RARRES1: variants seen among roughly 807,000 people sequenced by gnomAD.
RARRES1 encodes retinoic acid receptor responder protein 1.
RARRES1 carries 34 observed loss-of-function variants against 30.6 expected under a neutral mutation model. The ratio of observed to expected loss-of-function variants is 1.11; its 90% CI spans 0.84 to 1.48. The LOEUF (loss-of-function observed/expected upper bound fraction) is 1.48, where lower values mean the gene tolerates loss of function less well. Among genes scored for constraint, RARRES1 ranks in the 40% most tolerant of loss-of-function variants. The pLI, the probability that RARRES1 is intolerant of heterozygous loss-of-function variation, is 0.00. For synonymous variants in RARRES1, 153 were observed against 155.5 expected (o/e 0.98, Z 0.12); for missense variants, 373 against 386.5 (o/e 0.97, Z 0.29).
At chr3:158,708,770 G>A (rs1359458811) in intron 3 of RARRES1, among the ~76,000 whole-genome samples, 1 of 151,980 alleles carries the variant, frequency 6.6e-6, no homozygotes, top group Non-Finnish European at 1.5e-5. Context: ...GTTCAAGCGC[G>A]ATTCTTTTGC....
Position 158,732,154 on chromosome 3 carries a change from C to G in RARRES1, c.262G>C (p.Glu88Gln). The G allele has an allele frequency of 1.4e-6, 2 of 1,401,684 alleles. No individual in the cohort carries two copies. Among genetic ancestry groups the G allele is most frequent in the South Asian group, 3.2e-5 (2 of 63,444 alleles). The allele number at this position is 1,401,684 out of a possible 1,614,324, so 86.8% of individuals were successfully genotyped here. ...SALRVLAEVQ[E>Q]GRAWINPKEG... Reference sequence around the variant, plus strand: ...TCCGCACTCACCCACGCGCGGCCCTCCTGCACCTCGGCCAGCACTCGTAGC... The same window carrying G: ...TCCGCACTCACCCACGCGCGGCCCTGCTGCACCTCGGCCAGCACTCGTAGC... Residue 88 changes from glutamate to glutamine, a missense_variant, in exon 1 of 6, where the codon GAG becomes CAG. Glu to Gln is a conservative substitution (Grantham distance 29). Coordinates refer to ENST00000237696, the MANE Select transcript of RARRES1 (RefSeq NM_206963.2).
chr3:158,729,122 A>G (rs1727788736), intron 1 of RARRES1, among the ~76,000 whole-genome samples: 1 of 152,126 alleles, frequency 6.6e-6, no homozygotes, highest in South Asian at 2.1e-4. Context: ...CATATCTTAT[A>G]TGACTCCTTA....
chr3:158,708,563 T>C (rs1378088604), intron 3 of RARRES1, among the ~76,000 whole-genome samples: 1 of 152,176 alleles, frequency 6.6e-6, no homozygotes, highest in African/African-American at 2.4e-5. Context: ...GAAAAAACAA[T>C]GTGGAGCAAG....
chr3:158,721,942 T>G (rs1258719096), intron 1 of RARRES1, among the ~76,000 whole-genome samples: 2 of 151,870 alleles, frequency 1.3e-5, no homozygotes, highest in African/African-American at 4.8e-5. Context: ...AAATACGAAA[T>G]TAGCTGGGCG....
At chr3:158,712,969 A>G (rs1407912052) in intron 2 of RARRES1, among the ~76,000 whole-genome samples, 6 of 152,354 alleles carry the variant, frequency 3.9e-5, no homozygotes, top group Middle Eastern at 3.4e-3. Flanking sequence ...TCATAGGTTA[A>G]TAAGCAAAGA....
In RARRES1 at chr3:158,697,692, G is replaced by T; in HGVS notation, c.871C>A (p.Leu291Ile). ...EEGSAVVPTE[L>I]SNF ...ATTTTTTCTTTTTAGAAATTACTAA[G>T]CTCTGTTGGTACTACAGCTGATCCT... is the stretch of plus-strand genomic sequence containing the variant. The change falls in exon 6 of 6, where the codon CTT becomes ATT. Residue 291 changes from leucine to isoleucine, a missense_variant. Leu to Ile is a conservative substitution (Grantham distance 5). Transcript: ENST00000237696. 1 of 1,612,108 alleles carries T rather than the reference G, an allele frequency of 6.2e-7. No individual in the cohort carries two copies. Among genetic ancestry groups the T allele is most frequent in the Non-Finnish European group, 8.5e-7 (1 of 1,178,800 alleles).
chr3:158,732,083 C>G (rs938074722), intron 1 of RARRES1, 57 bp downstream of exon 1: 4 of 1,292,826 alleles, frequency 3.1e-6, no homozygotes, highest in Non-Finnish European at 3.9e-6. Context: ...GGTGTCACCT[C>G]CCAGCGCCGT....
At chr3:158,716,878 C>T (rs1727338940) in intron 1 of RARRES1, among the ~76,000 whole-genome samples, 2 of 152,174 alleles carry the variant, frequency 1.3e-5, no homozygotes, top group African/African-American at 2.4e-5. Context: ...CTCACTGCGC[C>T]TGGTTAACAA....
At chr3:158,702,167 A>C (rs1273967055) in intron 4 of RARRES1, among the ~76,000 whole-genome samples, 1 of 152,142 alleles carries the variant, frequency 6.6e-6, no homozygotes, top group East Asian at 1.9e-4. Flanking sequence ...CCTCCCGAGT[A>C]GCTGGGACTA....
chr3:158,709,211 T>C (rs770960032), intron 3 of RARRES1, among the ~76,000 whole-genome samples: 1 of 152,234 alleles, frequency 6.6e-6, no homozygotes, highest in African/African-American at 2.4e-5. Context: ...ACAGGACTTA[T>C]TAACTAAACA....
intron 4 of RARRES1, among the ~76,000 whole-genome samples, chr3:158,700,619 G>A (rs1324712839): frequency 6.6e-6 from 1 of 152,150 alleles, no homozygotes; most frequent in Non-Finnish European, 1.5e-5. Flanking sequence ...ATGCAGAAGA[G>A]GACATTGCAC....
intron 1 of RARRES1, among the ~76,000 whole-genome samples, chr3:158,730,797 T>C (rs1393002149): frequency 6.6e-6 from 1 of 151,308 alleles, no homozygotes; most frequent in Admixed American, 6.6e-5. Flanking sequence ...ATTTATTTTA[T>C]TTTGAGAGGG....
intron 2 of RARRES1, 133 bp from the exon 3 acceptor site, chr3:158,711,066 AT>A (rs1727117113): frequency 1.3e-6 from 1 of 771,050 alleles, no homozygotes; most frequent in South Asian, 1.8e-5. Flanking sequence ...GTTTTGGTTT[AT>A]TGTGGGTTGT....
At chr3:158,728,847 T>G (rs1727781330) in intron 1 of RARRES1, among the ~76,000 whole-genome samples, 1 of 152,166 alleles carries the variant, frequency 6.6e-6, no homozygotes, top group African/African-American at 2.4e-5. Context: ...TCCCCAGTGC[T>G]ATGACTGCTC....
intron 2 of RARRES1, among the ~76,000 whole-genome samples, chr3:158,712,964 G>C (rs1418382697): frequency 1.3e-5 from 2 of 152,184 alleles, no homozygotes; most frequent in Non-Finnish European, 2.9e-5. Context: ...TTAATTCATA[G>C]GTTAATAAGC....
chr3:158,702,341 A>G (rs1302839956), intron 4 of RARRES1, among the ~76,000 whole-genome samples: 1 of 151,986 alleles, frequency 6.6e-6, no homozygotes, highest in African/African-American at 2.4e-5. Flanking sequence ...CCCAGCCTGC[A>G]TTTCTGCTTT....
chr3:158,702,702 C>G (rs980275538), intron 4 of RARRES1, among the ~76,000 whole-genome samples: 2 of 152,138 alleles, frequency 1.3e-5, no homozygotes, highest in Non-Finnish European at 2.9e-5. Flanking sequence ...GTAAAAGCCT[C>G]TTGTTGAGGA....
chr3:158,732,235 G>C lies in RARRES1; in HGVS notation c.181C>G (p.Gln61Glu). The C allele has an allele frequency of 7.2e-7, 1 of 1,392,244 alleles. No individual in the cohort carries two copies. The allele number at this position is 1,392,244 out of a possible 1,614,324, so 86.2% of individuals were successfully genotyped here. A position where few individuals can be genotyped will look rare whatever the true frequency, so the allele number is the denominator to read the frequency against. ...DAGVPRRLLQ[Q>E]AARAALHFFN... ...AAGTGAAGCGCCGCGCGCGCCGCCTGCTGCAGGAGCCTGCGCGGGACCCCA... is the reference window on the plus strand; with the variant it reads ...AAGTGAAGCGCCGCGCGCGCCGCCTCCTGCAGGAGCCTGCGCGGGACCCCA... The change falls in exon 1 of 6, where the codon CAG (glutamine) becomes GAG (glutamate). Residue 61 changes from glutamine (Q) to glutamate (E), a missense_variant. Transcript: ENST00000237696.
At chr3:158,731,688 T>C (rs965274349) in intron 1 of RARRES1, among the ~76,000 whole-genome samples, 2 of 152,250 alleles carry the variant, frequency 1.3e-5, no homozygotes, top group Non-Finnish European at 2.9e-5. Context: ...GTATGGCTAC[T>C]GGCTTAGATT....
Sources: allele counts gnomAD v4.1 joint callset (sites outside exome capture counted in the v4.1 genomes callset), GRCh38; gene constraint gnomAD v4.1.1; transcripts MANE v1.5; gene names NCBI Gene and HGNC (gene_info 2026-07-23, HGNC 2026-07-21).